GTF3C1: variants seen among roughly 807,000 people sequenced by gnomAD.
The protein encoded by GTF3C1 is general transcription factor 3C polypeptide 1.
In GTF3C1, 57 loss-of-function variants were observed where a neutral mutation model predicts 226.7. That is an observed-to-expected ratio of 0.25 (90% CI 0.20 to 0.31). The LOEUF (loss-of-function observed/expected upper bound fraction) is 0.31. Among genes scored for constraint, GTF3C1 ranks in the 10% least tolerant of loss-of-function variants. GTF3C1 has a pLI of 1.00. For synonymous variants in GTF3C1, 1,090 were observed against 1,084.8 expected, an observed-to-expected ratio of 1.00 and a Z score of -0.09; for missense variants, 2,217 against 2,776.1, an observed-to-expected ratio of 0.80 and a Z score of 4.53.
chr16:27,486,248 G>T, intron 23 of GTF3C1, 94 bp from the exon 24 acceptor site: 14 of 679,860 alleles, frequency 2.1e-5, no homozygotes, highest in Non-Finnish European at 7.8e-6. Context: ...CAGCCAGTGA[G>T]ATGTGACTAA....
intron 28 of GTF3C1, among the ~76,000 whole-genome samples, chr16:27,477,660 T>A (rs1447857752): frequency 6.6e-6 from 1 of 152,224 alleles, no homozygotes; most frequent in African/African-American, 2.4e-5. Flanking sequence ...AAGAGCACAG[T>A]ATATAACATA....
intron 13 of GTF3C1, 73 bp from the exon 14 acceptor site, chr16:27,497,894 C>T (rs1180275396): frequency 7.9e-7 from 1 of 1,265,404 alleles, no homozygotes; most frequent in African/African-American, 1.5e-5. Context: ...AGTCTGTCTG[C>T]ATGAATCAGA....
chr16:27,540,449 G>A (rs1364642306), intron 2 of GTF3C1, among the ~76,000 whole-genome samples: 2 of 152,138 alleles, frequency 1.3e-5, no homozygotes, highest in Non-Finnish European at 2.9e-5. Context: ...CTTTTAAAAC[G>A]TCATTACTCT....
Position 27,486,173 on chromosome 16 carries a change from G to A in GTF3C1, c.3701-19C>T. 6.6e-7 allele frequency: 1 copy of A among 1,524,802 alleles called. No homozygotes were observed. Among genetic ancestry groups the A allele is most frequent in the Non-Finnish European group, 9.0e-7 (1 of 1,106,740 alleles). 94.5% of individuals were successfully genotyped at this position (1,524,802 alleles called of 1,614,324 possible). ...AACTCTCCTAAAAACACCAGAGGGA[G>A]AAGGCAGGAGACCTCTAACACCTGG... On this transcript the variant is annotated intron_variant, in intron 23 of 36. Transcript: ENST00000356183.
intron 3 of GTF3C1, 93 bp downstream of exon 3, chr16:27,538,087 C>A: frequency 8.0e-7 from 1 of 1,242,920 alleles, no homozygotes; most frequent in Middle Eastern, 2.9e-4. Context: ...AAAAGCCATG[C>A]CTCAGGGAAG....
chr16:27,520,302 A>G (rs1192256063), intron 6 of GTF3C1, among the ~76,000 whole-genome samples: 2 of 152,100 alleles, frequency 1.3e-5, no homozygotes, highest in Non-Finnish European at 2.9e-5. Context: ...TTTAGTAGAG[A>G]TGGGGTTTCA....
At position 27,461,624 on chromosome 16, in the gene GTF3C1, T is replaced by A; in HGVS notation, c.6118-62A>T. On this transcript the variant is annotated intron_variant, in intron 36 of 36. Coordinates refer to ENST00000356183, the MANE Select transcript of GTF3C1 (RefSeq NM_001520.4). The surrounding 1 kb of genome is among the most constrained non-coding windows in gnomAD (Gnocchi z 5.3). ...CCCTCGCCTGCTTGTTGATTTATTC[T>A]TCAAGCATTTATGGAATGCCCCCTC... 3.1e-6 allele frequency: 4 copies of A among 1,277,458 alleles called. No homozygotes were observed. Among genetic ancestry groups the A allele is most frequent in the Non-Finnish European group, 4.5e-6 (4 of 886,646 alleles). The allele number at this position is 1,277,458 out of a possible 1,614,324, so 79.1% of individuals were successfully genotyped here.
chr16:27,466,425 A>C (rs1469391602), intron 32 of GTF3C1: 1 of 152,042 alleles, frequency 6.6e-6, no homozygotes, highest in Non-Finnish European at 1.5e-5. Context: ...AAACTTAATT[A>C]ATAAGTATCA....
chr16:27,490,302 C>T lies in GTF3C1; in HGVS notation c.3152-559G>A, dbSNP rs146482411. ...AATGATATCCAGTTATTCTGTAATA[C>T]AGAAAATTGCATTTCTTGCAAAGAA... On this transcript the variant is annotated intron_variant, in intron 19 of 36. Transcript: ENST00000356183. 2.6e-3 allele frequency among the ~76,000 whole-genome samples: 396 copies of T among 152,326 alleles called. 3 individuals are homozygous for T. Among genetic ancestry groups the T allele is most frequent in the African/African-American group, 8.8e-3 (366 of 41,576 alleles).
rs778791350 is a variant in GTF3C1 at position 27,484,401 on chromosome 16, G to A, written c.3859-48C>T. The A allele has an allele frequency of 8.1e-6, 11 of 1,357,222 alleles. No homozygotes were observed. In the African/African-American group the frequency reaches 1.3e-4, roughly 16 times the overall value. The allele number at this position is 1,357,222 out of a possible 1,614,324, so 84.1% of individuals were successfully genotyped here. The stretch of plus-strand genomic sequence containing the variant: ...ACAAAAAGTCAGTATCCTCAGAGAC[G>A]ACATCATGGGGAATTACCATAAAAA... On this transcript the variant is annotated intron_variant, in intron 24 of 36. Coordinates refer to ENST00000356183, the MANE Select transcript of GTF3C1 (RefSeq NM_001520.4).
Position 27,493,311 on chromosome 16 carries a change from T to C in GTF3C1, c.2779-15A>G, listed in dbSNP as rs2088260937. 3 of 1,418,708 alleles carry C rather than the reference T, an allele frequency of 2.1e-6. No homozygotes were observed. The highest frequency in any genetic ancestry group is 1.0e-6 in the Non-Finnish European group (1 of 1,001,362). The allele number at this position is 1,418,708 out of a possible 1,614,324, so 87.9% of individuals were successfully genotyped here. On this transcript the variant is annotated splice_polypyrimidine_tract_variant and intron_variant, in intron 16 of 36. Coordinates refer to ENST00000356183, the MANE Select transcript of GTF3C1 (RefSeq NM_001520.4). ...AGGTTGTCCACCTGAAGAGGTGATGTGCAGGTTCAGCTCGCCCTGAGGGCC... is the reference window on the plus strand; with the variant it reads ...AGGTTGTCCACCTGAAGAGGTGATGCGCAGGTTCAGCTCGCCCTGAGGGCC...
chr16:27,482,939 C>A, intron 26 of GTF3C1, 105 bp downstream of exon 26: 1 of 914,938 alleles, frequency 1.1e-6, no homozygotes, highest in Non-Finnish European at 1.7e-6. Flanking sequence ...ACAAAGTCCA[C>A]GTTCCTAAGG....
At chr16:27,466,724 G>A (rs1170303622) in intron 32 of GTF3C1, among the ~76,000 whole-genome samples, 1 of 152,190 alleles carries the variant, frequency 6.6e-6, no homozygotes, top group Admixed American at 6.5e-5. Context: ...GTTCTTGAAG[G>A]AAATTAAAAG....
In GTF3C1 at chr16:27,488,316, T is replaced by G; in HGVS notation, c.3611A>C (p.Asp1204Ala). The G allele has an allele frequency of 6.2e-7, 1 of 1,614,178 alleles. No individual in the cohort carries two copies. Among genetic ancestry groups the G allele is most frequent in the South Asian group, 1.1e-5 (1 of 91,088 alleles). Residue 1204 changes from aspartate to alanine, a missense_variant, in exon 23 of 37, where the codon GAC becomes GCC. Physicochemically the swap from Asp to Ala is moderately radical, Grantham distance 126 (BLOSUM62 -2). Coordinates refer to ENST00000356183, the MANE Select transcript of GTF3C1 (RefSeq NM_001520.4). ...CCCACCCCTCACTCTCCGGTTTCGG[T>G]CCAGCGAGGGCTCTCGGTCCACCTC... The part of the protein sequence containing the change: ...QFEVDREPSL[D>A]RNRRVRGGKS...
chr16:27,462,804 C>A lies in GTF3C1; in HGVS notation c.5925-318G>T. 1 of 340,858 alleles carries A rather than the reference C, an allele frequency of 2.9e-6. No homozygotes were observed. Among genetic ancestry groups the A allele is most frequent in the Non-Finnish European group, 5.5e-6 (1 of 182,704 alleles). The allele number at this position is 340,858 out of a possible 1,614,324, so 21.1% of individuals were successfully genotyped here. A position where few individuals can be genotyped will look rare whatever the true frequency, so the allele number is the denominator to read the frequency against. On this transcript the variant is annotated intron_variant, in intron 35 of 36. Transcript: ENST00000356183. This position sits in a 1 kb window ranked among gnomAD's most constrained non-coding sequence, Gnocchi z 4.5. ...GGACTTGCCAGCTCTACTGGCAGCC[C>A]AGGCAGAAACCACCTCCAGGCTGTG...
intron 32 of GTF3C1, among the ~76,000 whole-genome samples, chr16:27,467,646 G>C (rs1011101903): frequency 1.3e-5 from 2 of 152,074 alleles, no homozygotes; most frequent in African/African-American, 4.8e-5. Context: ...ACGGTGGGTG[G>C]ATCACCTGAG....
Position 27,464,602 on chromosome 16 carries a change from C to T in GTF3C1, c.5590G>A (p.Ala1864Thr), listed in dbSNP as rs201376754. ...TCCCCATTCTCACTGGCCCAGCTGG[C>T]GCGCCTCTTGGTGCCCCGGGGGCTG... is the stretch of plus-strand genomic sequence containing the variant. ...SHSPRGTKRR[A>T]SWASENGETD... Residue 1864 changes from alanine to threonine, a missense_variant, in exon 34 of 37, where the codon GCC becomes ACC. Around this residue, in one of 12 missense-constraint regions of GTF3C1, gnomAD observed 455 missense variants for 441.9 expected, o/e 1.03. Coordinates refer to ENST00000356183, the MANE Select transcript of GTF3C1 (RefSeq NM_001520.4). 1.1e-5 allele frequency: 16 copies of T among 1,493,098 alleles called. No individual in the cohort carries two copies. The highest frequency in any genetic ancestry group is 2.4e-5 in the East Asian group (1 of 40,870). 92.5% of individuals were successfully genotyped at this position (1,493,098 alleles called of 1,614,324 possible).
At chr16:27,493,116 T>C in intron 17 of GTF3C1, 83 bp downstream of exon 17, 1 of 767,828 alleles carries the variant, frequency 1.3e-6, no homozygotes, top group Non-Finnish European at 2.4e-6. Flanking sequence ...CTTTTCCTCT[T>C]CCTGGTGAAT....
At chr16:27,524,714 G>A (rs1006166642) in intron 6 of GTF3C1, among the ~76,000 whole-genome samples, 3 of 152,236 alleles carry the variant, frequency 2.0e-5, no homozygotes, top group African/African-American at 7.2e-5. Flanking sequence ...AGGAACTAAG[G>A]TTCCTCCTTA....
Sources: gnomAD v4.1 joint callset for allele counts (sites outside exome capture counted in the v4.1 genomes callset) on GRCh38, gnomAD v4.1.1 for gene constraint, gnomAD v4.1.1 regional missense constraint, Gnocchi (gnomAD v3.1) non-coding constraint, MANE v1.5 for transcripts, NCBI Gene and HGNC (gene_info 2026-07-23, HGNC 2026-07-21) for gene names.